The following NCALD variants were observed in gnomAD, a reference collection of about 807,000 sequenced individuals.
The protein encoded by NCALD is neurocalcin delta.
Under a neutral mutation model 18.6 loss-of-function variants are expected in NCALD, and 10 were observed. That is an observed-to-expected ratio of 0.54 (90% CI 0.33 to 0.91). The LOEUF is 0.91. NCALD is among the 40% of genes least tolerant of loss of function. The probability of loss-of-function intolerance (pLI) is 0.03; values close to 1 mark genes in which losing one functional copy is unlikely to be tolerated. For synonymous variants in NCALD, 88 were observed against 87.4 expected, an observed-to-expected ratio of 1.01 and a Z score of -0.04; for missense variants, 184 against 247.6, an observed-to-expected ratio of 0.74 and a Z score of 1.72.
At chr8:101,884,504 G>C (rs558217071) in intron 4 of NCALD, among the ~76,000 whole-genome samples, 1 of 152,174 alleles carries the variant, frequency 6.6e-6, no homozygotes, top group South Asian at 2.1e-4. Context: ...ATGTAAGTCC[G>C]TGTTATACCA....
At chr8:101,804,885 ACC>A (rs1813042924) in intron 4 of NCALD, among the ~76,000 whole-genome samples, 1 of 151,510 alleles carries the variant, frequency 6.6e-6, no homozygotes, top group Admixed American at 6.6e-5. Flanking sequence ...AACCTGCAAT[ACC>A]TCTGAGAAAT....
intron 2 of NCALD, among the ~76,000 whole-genome samples, chr8:101,699,079 G>A (rs1342163012): frequency 1.1e-4 from 16 of 148,256 alleles, no homozygotes; most frequent in Admixed American, 4.0e-4. Flanking sequence ...AATTTTACAG[G>A]AAAAAAAAAA....
chr8:101,891,979 A>T (rs1816915565), intron 3 of NCALD, among the ~76,000 whole-genome samples: 1 of 152,218 alleles, frequency 6.6e-6, no homozygotes, highest in Admixed American at 6.5e-5. Context: ...TAAACAAAGC[A>T]GCCAGGAAGC....
intron 2 of NCALD, among the ~76,000 whole-genome samples, chr8:101,717,247 T>C (rs7816613): frequency 0.14 from 21,682 of 152,172 alleles, 1,686 homozygotes; most frequent in African/African-American, 0.21. Flanking sequence ...CAATATTCTG[T>C]GGATACTAAA....
In NCALD at chr8:102,057,257, T is replaced by TACACACACACACACAC. The variant is rs3085988; in HGVS notation, c.-209-36984_-209-36969dup. On this transcript the variant is annotated intron_variant, in intron 1 of 6. Coordinates refer to the NCALD transcript ENST00000311028. ...TTCTCCCTTCTACTTGGCTAGTTCA[T>TACACACACACACACAC]ACACACACACACACACACACACACA... Among the ~76,000 whole-genome samples the TACACACACACACACAC allele has an allele frequency of 4.2e-3, 623 of 147,750 alleles. 4 individuals are homozygous for TACACACACACACACAC. Among genetic ancestry groups the TACACACACACACACAC allele is most frequent in the African/African-American group, 0.013 (514 of 39,968 alleles).
chr8:101,936,539 G>A (rs1382318018), intron 2 of NCALD, among the ~76,000 whole-genome samples: 3 of 152,178 alleles, frequency 2.0e-5, no homozygotes, highest in Non-Finnish European at 2.9e-5. Flanking sequence ...GCTAGCAACA[G>A]ATTATAGAAG....
At chr8:101,929,887 A>C (rs1163541373) in intron 2 of NCALD, among the ~76,000 whole-genome samples, 1 of 151,996 alleles carries the variant, frequency 6.6e-6, no homozygotes, top group African/African-American at 2.4e-5. Flanking sequence ...CTCTACTAAA[A>C]ATACAAAAAT....
chr8:101,698,605 C>G (rs1196603070), intron 2 of NCALD, among the ~76,000 whole-genome samples: 2 of 152,076 alleles, frequency 1.3e-5, no homozygotes, highest in African/African-American at 2.4e-5. Flanking sequence ...TGGAAGAGAA[C>G]AGAGACCTCA....
chr8:102,007,504 G>C (rs1307456946), intron 2 of NCALD, among the ~76,000 whole-genome samples: 1 of 152,140 alleles, frequency 6.6e-6, no homozygotes, highest in Non-Finnish European at 1.5e-5. Context: ...TGTTAGCTCT[G>C]GTAGGGATAA....
intron 4 of NCALD, among the ~76,000 whole-genome samples, chr8:101,797,421 C>T (rs1364345162): frequency 5.3e-5 from 8 of 152,102 alleles, no homozygotes; most frequent in Non-Finnish European, 1.5e-5. Context: ...GACTTTTCAA[C>T]AGAAACTGTC....
intron 4 of NCALD, among the ~76,000 whole-genome samples, chr8:101,798,634 T>C (rs973822734): frequency 6.6e-6 from 1 of 152,198 alleles, no homozygotes; most frequent in Non-Finnish European, 1.5e-5. Flanking sequence ...CAGCAAGATT[T>C]GTTACAGATA....
intron 1 of NCALD, among the ~76,000 whole-genome samples, chr8:102,022,225 G>A (rs1822301324): frequency 1.3e-5 from 2 of 152,174 alleles, no homozygotes; most frequent in African/African-American, 2.4e-5. Flanking sequence ...AAAAGGGGGA[G>A]GGTGGGTCTG....
At chr8:102,066,969 T>C (rs1824029127) in intron 1 of NCALD, among the ~76,000 whole-genome samples, 1 of 152,226 alleles carries the variant, frequency 6.6e-6, no homozygotes. Context: ...TCCAAGCTCA[T>C]TTCTACTAAT....
At chr8:101,920,230 C>A (rs1363738066) in intron 2 of NCALD, among the ~76,000 whole-genome samples, 1 of 151,962 alleles carries the variant, frequency 6.6e-6, no homozygotes, top group Admixed American at 6.6e-5. Context: ...GCACTCCAGC[C>A]CGAGTGAAAC....
chr8:102,084,056 G>T lies in NCALD; in HGVS notation c.-210+40181C>A, dbSNP rs187695285. On this transcript the variant is annotated intron_variant, in intron 1 of 6. Transcript: ENST00000311028. ...TATGTGCCAACATTTACACAGTGCA[G>T]GTGCAGACTGAACACTCTCTAAATG... 1.9e-4 allele frequency among the ~76,000 whole-genome samples: 29 copies of T among 152,332 alleles called. No individual in the cohort carries two copies. In the East Asian group the frequency reaches 4.4e-3, roughly 23 times the overall value.
intron 1 of NCALD, among the ~76,000 whole-genome samples, chr8:101,758,889 C>A (rs1183530633): frequency 6.6e-6 from 1 of 152,152 alleles, no homozygotes; most frequent in Non-Finnish European, 1.5e-5. Flanking sequence ...AAGATCCCAA[C>A]CTACTTAAAT....
intron 2 of NCALD, among the ~76,000 whole-genome samples, chr8:101,951,308 C>T (rs1819410257): frequency 6.6e-6 from 1 of 152,086 alleles, no homozygotes; most frequent in Admixed American, 6.5e-5. Flanking sequence ...TGAAAATATA[C>T]CTAATGAACT....
rs1367198117 is a variant in NCALD at position 101,973,937 on chromosome 8, C to G, written c.-157+46300G>C. Among the ~76,000 whole-genome samples the G allele has an allele frequency of 1.3e-5, 2 of 152,172 alleles. 1 individual carries two copies. The highest frequency in any genetic ancestry group is 4.8e-5 in the African/African-American group (2 of 41,434). ...GAAAGACATAAAGATGAATCAAATG[C>G]TTTTCCTTCTCTAAAGACCCTTAAG... On this transcript the variant is annotated intron_variant, in intron 2 of 6. Transcript: ENST00000311028.
upstream of NCALD, among the ~76,000 whole-genome samples, chr8:101,791,129 A>T (rs373382754): frequency 1.6e-3 from 241 of 152,208 alleles, 1 homozygote; most frequent in African/African-American, 5.5e-3. Flanking sequence ...TGTGTGTGTG[A>T]GAGAGAGAGT....
Sources: allele counts gnomAD v4.1 joint callset (sites outside exome capture counted in the v4.1 genomes callset), GRCh38; gene constraint gnomAD v4.1.1; transcripts MANE v1.5; gene names NCBI Gene and HGNC (gene_info 2026-07-23, HGNC 2026-07-21).